The following NAALADL2 variants were observed in gnomAD, a reference collection of about 807,000 sequenced individuals.
The protein encoded by NAALADL2 is inactive N-acetylated-alpha-linked acidic dipeptidase-like protein 2.
Under a neutral mutation model 87.2 loss-of-function variants are expected in NAALADL2, and 76 were observed. The observed-to-expected ratio is 0.87, with a 90% CI of 0.72 to 1.05. The LOEUF (loss-of-function observed/expected upper bound fraction) is 1.05. Ranked by LOEUF, NAALADL2 falls within the 50% of genes least tolerant of loss-of-function variation. The pLI, the probability that NAALADL2 is intolerant of heterozygous loss-of-function variation, is 0.00. For synonymous variants in NAALADL2, 354 were observed against 331.0 expected, an observed-to-expected ratio of 1.07 and a Z score of -0.75; for missense variants, 1,089 against 945.8, an observed-to-expected ratio of 1.15 and a Z score of -1.99.
At chr3:175,490,535 C>T (rs1458768430) in intron 9 of NAALADL2, among the ~76,000 whole-genome samples, 5 of 150,584 alleles carry the variant, frequency 3.3e-5, no homozygotes, top group South Asian at 4.2e-4. Context: ...TACAGGCACC[C>T]GCCACCACGC....
intron 1 of NAALADL2, among the ~76,000 whole-genome samples, chr3:174,512,078 C>CTTTG (rs140107259): frequency 0.031 from 4,783 of 152,076 alleles, 238 homozygotes; most frequent in African/African-American, 0.11. Context: ...ATTTTTATAA[C>CTTTG]TTTGTATACA....
chr3:175,575,339 C>G (rs913684787), intron 9 of NAALADL2, among the ~76,000 whole-genome samples: 1 of 152,006 alleles, frequency 6.6e-6, no homozygotes, highest in Non-Finnish European at 1.5e-5. Flanking sequence ...GCCTGGAGTG[C>G]AATGGTACAC....
intron 6 of NAALADL2, among the ~76,000 whole-genome samples, chr3:175,461,093 T>C (rs1289701219): frequency 6.6e-6 from 1 of 152,180 alleles, no homozygotes; most frequent in East Asian, 1.9e-4. Flanking sequence ...TACAGAGCGC[T>C]GATTGGTGCA....
At chr3:175,279,872 G>C (rs4393918) in intron 4 of NAALADL2, among the ~76,000 whole-genome samples, 60,468 of 150,942 alleles carry the variant, frequency 0.4, 12,496 homozygotes, top group East Asian at 0.53. Context: ...AAATATATGG[G>C]TATGGGAATT....
intron 13 of NAALADL2, among the ~76,000 whole-genome samples, chr3:175,766,585 T>C (rs1039145253): frequency 2.0e-5 from 3 of 152,302 alleles, no homozygotes; most frequent in Non-Finnish European, 2.9e-5. Flanking sequence ...AAATCTAGGT[T>C]CCCTATGAAA....
chr3:175,185,775 G>T (rs1186291817), intron 2 of NAALADL2, among the ~76,000 whole-genome samples: 1 of 150,184 alleles, frequency 6.7e-6, no homozygotes, highest in Admixed American at 6.7e-5. Flanking sequence ...TAAGCCTTTT[G>T]TATATCTAAA....
intron 9 of NAALADL2, among the ~76,000 whole-genome samples, chr3:175,493,914 C>A (rs78935406): frequency 0.07 from 10,713 of 152,098 alleles, 434 homozygotes; most frequent in South Asian, 0.15. Context: ...GCTCAGATAC[C>A]AGTTTGAGAA....
intron 2 of NAALADL2, among the ~76,000 whole-genome samples, chr3:174,722,457 A>G (rs1291924382): frequency 6.6e-6 from 1 of 152,176 alleles, no homozygotes; most frequent in Non-Finnish European, 1.5e-5. Context: ...AATCCCAGCA[A>G]TTTGGGAGGC....
chr3:175,374,360 C>A (rs938362420), intron 5 of NAALADL2, among the ~76,000 whole-genome samples: 2 of 151,426 alleles, frequency 1.3e-5, no homozygotes, highest in Non-Finnish European at 2.9e-5. Context: ...TCAAGACCAG[C>A]TTGGCCCACA....
At chr3:175,207,119 T>C (rs1741060598) in intron 2 of NAALADL2, among the ~76,000 whole-genome samples, 2 of 152,156 alleles carry the variant, frequency 1.3e-5, no homozygotes, top group South Asian at 4.1e-4. Flanking sequence ...CATTAGAGTA[T>C]ATAGAGTGTA....
At chr3:175,475,293 C>A (rs1010391417) in intron 9 of NAALADL2, among the ~76,000 whole-genome samples, 15 of 152,012 alleles carry the variant, frequency 9.9e-5, no homozygotes, top group Non-Finnish European at 2.1e-4. Context: ...TAGTGAAACA[C>A]AAATGCCTTC....
intron 6 of NAALADL2, among the ~76,000 whole-genome samples, chr3:175,457,158 T>C (rs1722436297): frequency 6.6e-6 from 1 of 152,058 alleles, no homozygotes; most frequent in Admixed American, 6.6e-5. Flanking sequence ...CACTGTCTAA[T>C]ATGGGCTATT....
chr3:175,004,478 C>T (rs1748734664), intron 1 of NAALADL2, among the ~76,000 whole-genome samples: 1 of 148,710 alleles, frequency 6.7e-6, no homozygotes, highest in African/African-American at 2.5e-5. Flanking sequence ...TGTTTAACAG[C>T]TAATTCAGGT....
intron 5 of NAALADL2, among the ~76,000 whole-genome samples, chr3:175,428,945 T>G (rs1717272689): frequency 6.6e-6 from 1 of 151,980 alleles, no homozygotes; most frequent in African/African-American, 2.4e-5. Flanking sequence ...AACCTAACAG[T>G]TTTGATTGCT....
At chr3:174,577,470 G>T (rs1337698515) in intron 2 of NAALADL2, among the ~76,000 whole-genome samples, 3 of 152,122 alleles carry the variant, frequency 2.0e-5, no homozygotes, top group Non-Finnish European at 2.9e-5. Flanking sequence ...GCCACCCAAT[G>T]ATGCATAGTG....
chr3:174,746,570 GA>G (rs904308875), intron 3 of NAALADL2, among the ~76,000 whole-genome samples: 31 of 148,540 alleles, frequency 2.1e-4, no homozygotes, highest in African/African-American at 6.4e-4. Context: ...CACAGAATTA[GA>G]AAAAAAAAGC....
chr3:175,381,869 G>A (rs529907630), intron 5 of NAALADL2, among the ~76,000 whole-genome samples: 5 of 152,220 alleles, frequency 3.3e-5, no homozygotes, highest in Admixed American at 1.3e-4. Context: ...TGGCAGCAGC[G>A]GGCCTGCATG....
chr3:175,293,333 G>A (rs993928204), intron 4 of NAALADL2, among the ~76,000 whole-genome samples: 1 of 152,072 alleles, frequency 6.6e-6, no homozygotes, highest in Non-Finnish European at 1.5e-5. Flanking sequence ...TCTGAATGGT[G>A]TGTGTAATAT....
chr3:174,767,973 A>G (rs993188498), intron 3 of NAALADL2, among the ~76,000 whole-genome samples: 4 of 152,188 alleles, frequency 2.6e-5, no homozygotes, highest in African/African-American at 9.6e-5. Flanking sequence ...TTTAACAGAA[A>G]TACGTAAGTG....
Sources: gnomAD v4.1 joint callset for allele counts (sites outside exome capture counted in the v4.1 genomes callset) on GRCh38, gnomAD v4.1.1 for gene constraint, MANE v1.5 for transcripts, NCBI Gene and HGNC (gene_info 2026-07-23, HGNC 2026-07-21) for gene names.